KIRREL1: variants seen among roughly 807,000 people sequenced by gnomAD.
The protein encoded by KIRREL1 is kirre like nephrin family adhesion molecule 1, also known as kin of IRRE-like protein 1.
Under a neutral mutation model 83.3 loss-of-function variants are expected in KIRREL1, and 25 were observed. The observed-to-expected ratio is 0.30, with a 90% CI of 0.22 to 0.42. KIRREL1 has a LOEUF of 0.42. KIRREL1 is among the 10% of genes least tolerant of loss of function. KIRREL1 has a pLI of 1.00. For missense variants in KIRREL1, 812 were observed against 1,032.3 expected (o/e 0.79, Z 2.92); for synonymous variants, 388 against 410.4 (o/e 0.95, Z 0.66).
chr1:158,024,610 C>T (rs547166446), intron 1 of KIRREL1, among the ~76,000 whole-genome samples: 70 of 152,194 alleles, frequency 4.6e-4, no homozygotes, highest in African/African-American at 1.6e-3. Flanking sequence ...GTATTGTTAA[C>T]AGGTAGTGTA....
intron 1 of KIRREL1, among the ~76,000 whole-genome samples, chr1:158,052,743 G>A (rs560110439): frequency 1.3e-5 from 2 of 152,152 alleles, no homozygotes; most frequent in East Asian, 1.9e-4. Flanking sequence ...CCGAGATAGC[G>A]CCACTGCACT....
At chr1:158,012,689 C>A (rs1053073860) in intron 1 of KIRREL1, among the ~76,000 whole-genome samples, 1 of 152,188 alleles carries the variant, frequency 6.6e-6, no homozygotes, top group African/African-American at 2.4e-5. Flanking sequence ...CTGTTTTGCC[C>A]CTCACTGGGA....
intron 1 of KIRREL1, among the ~76,000 whole-genome samples, chr1:158,046,368 G>C: frequency 6.6e-6 from 1 of 152,164 alleles, no homozygotes; most frequent in East Asian, 1.9e-4. Flanking sequence ...CCAAGTTTGG[G>C]GGTGGAAGAT....
chr1:158,045,751 T>C (rs772434043), intron 1 of KIRREL1, among the ~76,000 whole-genome samples: 6 of 152,248 alleles, frequency 3.9e-5, no homozygotes, highest in Admixed American at 6.5e-5. Flanking sequence ...CTCTGGAAGC[T>C]GGTGTCATGT....
chr1:158,002,032 A>G (rs893868194), intron 1 of KIRREL1, among the ~76,000 whole-genome samples: 1 of 152,218 alleles, frequency 6.6e-6, no homozygotes, highest in Non-Finnish European at 1.5e-5. Context: ...AAAAACATGA[A>G]AAAAACAGAT....
chr1:158,066,998 A>G (rs1373911863), intron 1 of KIRREL1, among the ~76,000 whole-genome samples: 1 of 152,118 alleles, frequency 6.6e-6, no homozygotes, highest in Non-Finnish European at 1.5e-5. Flanking sequence ...TCCCCATGCC[A>G]TTGTCCTTCC....
intron 1 of KIRREL1, among the ~76,000 whole-genome samples, chr1:158,073,620 T>C (rs1025892966): frequency 6.6e-6 from 1 of 152,212 alleles, no homozygotes; most frequent in African/African-American, 2.4e-5. Context: ...CTCCTAAACC[T>C]GTCCTCTTAG....
intron 3 of KIRREL1, among the ~76,000 whole-genome samples, chr1:158,079,755 C>T (rs1661790290): frequency 6.6e-6 from 1 of 152,200 alleles, no homozygotes; most frequent in Non-Finnish European, 1.5e-5. Flanking sequence ...GCATCATGAT[C>T]CTAAAGAGGT....
At chr1:158,056,518 G>C (rs1661066708) in intron 1 of KIRREL1, among the ~76,000 whole-genome samples, 1 of 152,172 alleles carries the variant, frequency 6.6e-6, no homozygotes, top group South Asian at 2.1e-4. Context: ...TGTCTTGCCT[G>C]GTTGGGGCTT....
chr1:158,050,407 G>A (rs563081738), intron 1 of KIRREL1, among the ~76,000 whole-genome samples: 16 of 152,120 alleles, frequency 1.1e-4, no homozygotes, highest in Admixed American at 9.8e-4. Context: ...AGTAAAGCCA[G>A]AATTGTAACT....
intron 1 of KIRREL1, among the ~76,000 whole-genome samples, chr1:158,021,348 T>A (rs1420918820): frequency 6.6e-6 from 1 of 152,200 alleles, no homozygotes; most frequent in East Asian, 1.9e-4. Flanking sequence ...CCAAAATGAC[T>A]CCTTGCTTTG....
chr1:158,038,793 A>G (rs1660545479), intron 1 of KIRREL1, among the ~76,000 whole-genome samples: 1 of 152,182 alleles, frequency 6.6e-6, no homozygotes, highest in African/African-American at 2.4e-5. Context: ...CTTGCCCACT[A>G]GGGGCTTTGT....
At chr1:157,996,331 T>G (rs1356802537) in intron 1 of KIRREL1, among the ~76,000 whole-genome samples, 1 of 152,118 alleles carries the variant, frequency 6.6e-6, no homozygotes, top group Non-Finnish European at 1.5e-5. Flanking sequence ...ATTGAAATAT[T>G]TATTCATTTT....
At position 158,094,763 on chromosome 1, in the gene KIRREL1, C is replaced by T. The variant is rs745306420; in HGVS notation, c.1917C>T (p.Ser639=). The part of the protein sequence containing the change: ...GPARFDGRPS[S]RLSHSSGYAQ... The stretch of plus-strand genomic sequence containing the variant: ...CCCGCTTCGACGGCCGCCCCTCATC[C>T]CGTCTCTCCCACTCCAGCGGCTATG... Residue 639 remains serine (S), a synonymous_variant, in exon 15 of 15, where the codon TCC becomes TCT. Coordinates refer to ENST00000359209, the MANE Select transcript of KIRREL1 (RefSeq NM_018240.7). The surrounding 1 kb of genome is among the most constrained non-coding windows in gnomAD (Gnocchi z 4.6). 1 of 1,613,976 alleles carries T rather than the reference C, an allele frequency of 6.2e-7. No individual in the cohort carries two copies. The highest frequency in any genetic ancestry group is 1.7e-5 in the Admixed American group (1 of 60,016).
At chr1:158,016,033 C>T (rs368125734) in intron 1 of KIRREL1, among the ~76,000 whole-genome samples, 6 of 152,078 alleles carry the variant, frequency 3.9e-5, no homozygotes, top group East Asian at 1.9e-4. Context: ...AGGCTGGGTG[C>T]GGCGGCTCAA....
chr1:158,088,883 T>C (rs1305807599), intron 8 of KIRREL1, among the ~76,000 whole-genome samples: 3 of 151,692 alleles, frequency 2.0e-5, no homozygotes, highest in Non-Finnish European at 2.9e-5. Context: ...ATTTCTAGGG[T>C]CTTGGGATTT....
rs1662120428 is a variant in KIRREL1 at position 158,089,386 on chromosome 1, G to T, written c.1045-116G>T. ...GACTCGGGAACCCCATTTCCCTTCTGGGAATTCACTTGTGGCCCTTCCTGC... is the reference window on the plus strand; with the variant it reads ...GACTCGGGAACCCCATTTCCCTTCTTGGAATTCACTTGTGGCCCTTCCTGC... On this transcript the variant is annotated intron_variant, in intron 8 of 14. Transcript: ENST00000359209. 2.6e-6 allele frequency: 4 copies of T among 1,527,270 alleles called. No homozygotes were observed. In the East Asian group the frequency reaches 9.0e-5, roughly 35 times the overall value. 94.6% of individuals were successfully genotyped at this position (1,527,270 alleles called of 1,614,324 possible).
At chr1:158,042,908 C>CT (rs1491098105) in intron 1 of KIRREL1, among the ~76,000 whole-genome samples, 1 of 40,202 alleles carries the variant, frequency 2.5e-5, no homozygotes, top group Non-Finnish European at 5.2e-5. Flanking sequence ...CCCGTCTCTA[C>CT]TAAAAAAAAA....
chr1:158,063,812 C>T (rs148874128), intron 1 of KIRREL1, among the ~76,000 whole-genome samples: 8 of 152,314 alleles, frequency 5.3e-5, no homozygotes, highest in East Asian at 3.9e-4. Context: ...CTACAGGATT[C>T]GTTCCTGCAC....
Sources: gnomAD v4.1 joint callset for allele counts (sites outside exome capture counted in the v4.1 genomes callset) on GRCh38, gnomAD v4.1.1 for gene constraint, Gnocchi (gnomAD v3.1) non-coding constraint, MANE v1.5 for transcripts, NCBI Gene and HGNC (gene_info 2026-07-23, HGNC 2026-07-21) for gene names.